EPHA6: variants seen among roughly 807,000 people sequenced by gnomAD.
EPHA6 encodes ephrin type-A receptor 6.
Under a neutral mutation model 112.0 loss-of-function variants are expected in EPHA6, and 50 were observed. The ratio of observed to expected loss-of-function variants is 0.45; its 90% CI spans 0.36 to 0.56. The LOEUF (loss-of-function observed/expected upper bound fraction) is 0.56, where lower values mean the gene tolerates loss of function less well. Among genes scored for constraint, EPHA6 ranks in the 20% least tolerant of loss-of-function variants. The pLI, the probability that EPHA6 is intolerant of heterozygous loss-of-function variation, is 0.00. For missense variants in EPHA6, 1,280 were observed against 1,417.4 expected (o/e 0.90, Z 1.56); for synonymous variants, 529 against 490.7 (o/e 1.08, Z -1.03).
chr3:97,024,982 C>T (rs1450225191), intron 3 of EPHA6, among the ~76,000 whole-genome samples: 3 of 152,102 alleles, frequency 2.0e-5, no homozygotes, highest in Non-Finnish European at 4.4e-5. Context: ...AATGGAAATG[C>T]TGCCTCTGTA....
In EPHA6 at chr3:96,889,353, C is replaced by A. The variant is rs60264937; in HGVS notation, c.450+22464C>A. ...CAATTTACTGTATTAGTGCATTTTC[C>A]GACTGCTAATAAAGACGTATCCGAG... is the stretch of plus-strand genomic sequence containing the variant. On this transcript the variant is annotated intron_variant, in intron 2 of 17. Coordinates refer to ENST00000389672, the MANE Select transcript of EPHA6 (RefSeq NM_001080448.3). Among the ~76,000 whole-genome samples the A allele has an allele frequency of 2.8e-4, 42 of 152,182 alleles. No homozygotes were observed. In the East Asian group the frequency reaches 6.8e-3, roughly 25 times the overall value.
chr3:97,586,536 C>G (rs2107316088), intron 11 of EPHA6, among the ~76,000 whole-genome samples: 1 of 150,648 alleles, frequency 6.6e-6, no homozygotes, highest in South Asian at 2.1e-4. Context: ...TTATAAATTA[C>G]TATAACTAAA....
chr3:97,238,294 T>C (rs1356597711), intron 4 of EPHA6, among the ~76,000 whole-genome samples: 1 of 152,096 alleles, frequency 6.6e-6, no homozygotes, highest in African/African-American at 2.4e-5. Context: ...CAAATAATTT[T>C]CATGTAATAT....
intron 3 of EPHA6, among the ~76,000 whole-genome samples, chr3:97,006,116 A>G (rs1026396228): frequency 9.2e-5 from 14 of 152,076 alleles, no homozygotes; most frequent in Non-Finnish European, 1.5e-4. Context: ...TGGTATCAGG[A>G]TGATGTTGGC....
At chr3:97,605,683 A>G (rs1289469471) in intron 12 of EPHA6, among the ~76,000 whole-genome samples, 1 of 151,710 alleles carries the variant, frequency 6.6e-6, no homozygotes, top group Non-Finnish European at 1.5e-5. Context: ...GGGTAATGAT[A>G]TACCTCCAGC....
chr3:96,819,442 T>TC (rs1491549859), intron 1 of EPHA6, among the ~76,000 whole-genome samples: 4 of 152,030 alleles, frequency 2.6e-5, no homozygotes, highest in African/African-American at 9.7e-5. Context: ...ACTCTCTCTC[T>TC]TTCTCTCTCC....
At chr3:96,963,839 A>G (rs2042030501) in intron 2 of EPHA6, among the ~76,000 whole-genome samples, 1 of 152,168 alleles carries the variant, frequency 6.6e-6, no homozygotes, top group South Asian at 2.1e-4. Flanking sequence ...TAATAATTAT[A>G]TTTCAAAGAT....
intron 3 of EPHA6, among the ~76,000 whole-genome samples, chr3:97,160,581 A>G (rs931227242): frequency 2.6e-5 from 4 of 151,948 alleles, no homozygotes; most frequent in African/African-American, 9.7e-5. Context: ...CATCCGGCCT[A>G]TCTTTACATA....
chr3:97,458,812 G>C (rs2090784174), intron 7 of EPHA6, among the ~76,000 whole-genome samples: 1 of 152,096 alleles, frequency 6.6e-6, no homozygotes. Context: ...TGTTCAACTT[G>C]TTCATTCACC....
chr3:97,392,232 C>G (rs1466164191), intron 5 of EPHA6, among the ~76,000 whole-genome samples: 6 of 151,716 alleles, frequency 4.0e-5, no homozygotes, highest in Non-Finnish European at 8.9e-5. Context: ...TACGTAGGCT[C>G]TTTGGAATAA....
chr3:97,671,966 G>A (rs76363754), intron 14 of EPHA6, among the ~76,000 whole-genome samples: 2,001 of 152,254 alleles, frequency 0.013, 40 homozygotes, highest in African/African-American at 0.045. Context: ...CTGCCCCACT[G>A]TGGCTGCCGA....
chr3:97,200,691 T>C (rs2077557717), intron 3 of EPHA6, among the ~76,000 whole-genome samples: 1 of 152,102 alleles, frequency 6.6e-6, no homozygotes, highest in Non-Finnish European at 1.5e-5. Context: ...CAATAGTTAC[T>C]AAAATCTTGC....
In EPHA6 at chr3:97,356,511, TTCTC is replaced by T. The variant is rs375295420; in HGVS notation, c.1607-48637_1607-48634del. 3.7e-3 allele frequency among the ~76,000 whole-genome samples: 561 copies of T among 152,318 alleles called. 4 individuals carry two copies. Among genetic ancestry groups the T allele is most frequent in the African/African-American group, 0.013 (523 of 41,574 alleles). On this transcript the variant is annotated intron_variant, in intron 5 of 17. Coordinates refer to ENST00000389672, the MANE Select transcript of EPHA6 (RefSeq NM_001080448.3). ...GGTATGTTGTATTTTGTTTTGATTC[TTCTC>T]TAAGTGTTTTCTAATTTCCCTTGTA...
intron 15 of EPHA6, among the ~76,000 whole-genome samples, chr3:97,734,833 G>T (rs2107845601): frequency 6.6e-6 from 1 of 152,048 alleles, no homozygotes; most frequent in East Asian, 1.9e-4. Context: ...CTTTTCCCTG[G>T]AGATAAGAAT....
intron 11 of EPHA6, among the ~76,000 whole-genome samples, chr3:97,572,034 G>T (rs2093337917): frequency 6.6e-6 from 1 of 151,804 alleles, no homozygotes; most frequent in Non-Finnish European, 1.5e-5. Context: ...TGTATATAAT[G>T]CAAGCTATCT....
chr3:96,912,124 C>A (rs549289063), intron 2 of EPHA6, among the ~76,000 whole-genome samples: 30 of 152,134 alleles, frequency 2.0e-4, no homozygotes, highest in African/African-American at 6.7e-4. Context: ...TAAATTTGCC[C>A]TTACTGTCTG....
intron 11 of EPHA6, among the ~76,000 whole-genome samples, chr3:97,573,143 A>G (rs1357495496): frequency 6.6e-6 from 1 of 152,216 alleles, no homozygotes; most frequent in Non-Finnish European, 1.5e-5. Context: ...GCTTTTTGGT[A>G]ACAACTGTGT....
intron 5 of EPHA6, among the ~76,000 whole-genome samples, chr3:97,249,480 A>T (rs2079072783): frequency 6.6e-6 from 1 of 152,120 alleles, no homozygotes; most frequent in African/African-American, 2.4e-5. Flanking sequence ...TTTGTGACAC[A>T]CATCTTTTGA....
intron 3 of EPHA6, among the ~76,000 whole-genome samples, chr3:97,142,439 A>G (rs1474945041): frequency 1.3e-5 from 2 of 151,974 alleles, no homozygotes; most frequent in Non-Finnish European, 2.9e-5. Flanking sequence ...AGCTCAATTA[A>G]CCAAGAAAAT....
Sources: gnomAD v4.1 joint callset for allele counts (sites outside exome capture counted in the v4.1 genomes callset) on GRCh38, gnomAD v4.1.1 for gene constraint, MANE v1.5 for transcripts, NCBI Gene and HGNC (gene_info 2026-07-23, HGNC 2026-07-21) for gene names.